Variants in EZH2 observed in about 807,000 individuals in gnomAD.
EZH2 encodes the protein enhancer of zeste 2 polycomb repressive complex 2 subunit.
In EZH2, 18 loss-of-function variants were observed where a neutral mutation model predicts 98.4. The ratio of observed to expected loss-of-function variants is 0.18; its 90% confidence interval spans 0.13 to 0.27. The LOEUF (loss-of-function observed/expected upper bound fraction) is 0.27. Among genes scored for constraint, EZH2 ranks in the 10% least tolerant of loss-of-function variants. The probability of loss-of-function intolerance (pLI) is 1.00; values close to 1 mark genes in which losing one functional copy is unlikely to be tolerated. For missense variants in EZH2, 470 were observed against 935.1 expected (o/e 0.50, Z 6.49); for synonymous variants, 338 against 312.3 (o/e 1.08, Z -0.87).
At chr7:148,863,739 C>T (rs1818041011) in intron 1 of EZH2, among the ~76,000 whole-genome samples, 1 of 152,172 alleles carries the variant, frequency 6.6e-6, no homozygotes, top group South Asian at 2.1e-4. Context: ...ATAGTCCACT[C>T]AACTGACCTG....
chr7:148,883,884 AGCCCCCCACAC>A (rs1346750075), intron 1 of EZH2, among the ~76,000 whole-genome samples: 1 of 150,854 alleles, frequency 6.6e-6, no homozygotes, highest in Non-Finnish European at 1.5e-5. Context: ...CCGGGAAAGG[AGCCCCCCACAC>A]GCCCCCCGCC....
intron 1 of EZH2, among the ~76,000 whole-genome samples, chr7:148,881,972 G>GCGCGCA (rs1491495610): frequency 7.6e-6 from 1 of 131,780 alleles, no homozygotes; most frequent in African/African-American, 2.9e-5. Context: ...ACACGCGCGC[G>GCGCGCA]CACACACACA....
At chr7:148,860,018 C>A (rs1163285914) in intron 1 of EZH2, among the ~76,000 whole-genome samples, 2 of 152,022 alleles carry the variant, frequency 1.3e-5, no homozygotes, top group African/African-American at 2.4e-5. Context: ...TTTAAAAAAA[C>A]TGATTATAAA....
chr7:148,865,125 CAAA>C (rs201434328), intron 1 of EZH2, among the ~76,000 whole-genome samples: 23,045 of 92,180 alleles, frequency 0.25, 1,810 homozygotes, highest in East Asian at 0.38. Context: ...AGACTTGTCT[CAAA>C]AAAAAAAAAA....
intron 1 of EZH2, among the ~76,000 whole-genome samples, chr7:148,848,289 G>A (rs2129485690): frequency 6.6e-6 from 1 of 152,276 alleles, no homozygotes; most frequent in Non-Finnish European, 1.5e-5. Flanking sequence ...AGATGATGCT[G>A]CAGCACAGCA....
chr7:148,871,403 T>TAAAAAAAAAAAAAAAAAAAA (rs71529646), intron 1 of EZH2, among the ~76,000 whole-genome samples: 1 of 88,732 alleles, frequency 1.1e-5, no homozygotes, highest in Non-Finnish European at 2.2e-5. Context: ...GACGAATAAT[T>TAAAAAAAAAAAAAAAAAAAA]AAAAAAAAAA....
chr7:148,836,204 T>G (rs1810888767), intron 3 of EZH2, among the ~76,000 whole-genome samples: 1 of 152,196 alleles, frequency 6.6e-6, no homozygotes, highest in Non-Finnish European at 1.5e-5. Flanking sequence ...CAGACTACAC[T>G]TGATGATTTT....
intron 19 of EZH2, among the ~76,000 whole-genome samples, 187 bp downstream of exon 19, chr7:148,808,884 A>G (rs1186124285): frequency 6.6e-5 from 10 of 152,174 alleles, no homozygotes; most frequent in Admixed American, 5.2e-4. Flanking sequence ...AAAAATAAGC[A>G]TGCCTTGTAT....
rs929618724 is a variant in EZH2 at position 148,807,614 on chromosome 7, G to C, written c.*32C>G. 2 of 1,487,274 alleles carry C rather than the reference G, an allele frequency of 1.3e-6. No homozygotes were observed. Among genetic ancestry groups the C allele is most frequent in the Admixed American group, 2.1e-5 (1 of 46,988 alleles). 92.1% of individuals were successfully genotyped at this position (1,487,274 alleles called of 1,614,324 possible). ...CGAGGTTCCTGAAGCTAAGGCAGCT[G>C]TTTCAGAGGAGGGGGGAGGAGGTAG... On this transcript the variant is annotated 3_prime_UTR_variant, in exon 20 of 20. Transcript: ENST00000320356.
intron 1 of EZH2, among the ~76,000 whole-genome samples, chr7:148,860,022 T>C (rs1390679335): frequency 6.6e-6 from 1 of 152,162 alleles, no homozygotes; most frequent in Non-Finnish European, 1.5e-5. Context: ...AAAAAACTGA[T>C]TATAAAGCTG....
chr7:148,873,556 C>CTTTTTTTTTTTTTTT (rs1819751149), intron 1 of EZH2, among the ~76,000 whole-genome samples: 1 of 103,626 alleles, frequency 9.7e-6, no homozygotes, highest in African/African-American at 3.9e-5. Context: ...TCATGCTCTT[C>CTTTTTTTTTTTTTTT]ATTTTTTTTT....
At chr7:148,831,873 A>C (rs1809504525) in intron 4 of EZH2, among the ~76,000 whole-genome samples, 1 of 152,242 alleles carries the variant, frequency 6.6e-6, no homozygotes, top group Non-Finnish European at 1.5e-5. Flanking sequence ...GTTTCTCTTT[A>C]GCATTTTATT....
chr7:148,833,001 G>A (rs974100992), intron 3 of EZH2, among the ~76,000 whole-genome samples: 1 of 152,076 alleles, frequency 6.6e-6, no homozygotes, highest in Non-Finnish European at 1.5e-5. Context: ...ATATCAGTAA[G>A]AATCAAAAAC....
At chr7:148,813,052 T>C (rs868639042) in intron 15 of EZH2, among the ~76,000 whole-genome samples, 2 of 132,106 alleles carry the variant, frequency 1.5e-5, no homozygotes, top group South Asian at 2.4e-4. Context: ...ACACCCCACA[T>C]ACACACACAC....
At chr7:148,876,860 G>A (rs17171140) in intron 1 of EZH2, among the ~76,000 whole-genome samples, 3,112 of 152,218 alleles carry the variant, frequency 0.02, 94 homozygotes, top group African/African-American at 0.071. Flanking sequence ...AAGTGTTAAC[G>A]TTTCCAGCTC....
intron 13 of EZH2, 109 bp from the exon 14 acceptor site, chr7:148,815,148 C>G (rs1804209485): frequency 7.5e-7 from 1 of 1,334,198 alleles, no homozygotes. Context: ...TGTAGCTGGC[C>G]TGCCTTTACT....
At chr7:148,809,420 T>G in intron 17 of EZH2, 30 bp from the exon 18 acceptor site, 1 of 1,540,534 alleles carries the variant, frequency 6.5e-7, no homozygotes, top group Non-Finnish European at 8.9e-7. Context: ...CACAGCCCAG[T>G]GAATAATTTC....
At chr7:148,877,391 A>G (rs958299748) in intron 1 of EZH2, among the ~76,000 whole-genome samples, 5 of 152,236 alleles carry the variant, frequency 3.3e-5, no homozygotes, top group Non-Finnish European at 7.3e-5. Context: ...TTTTAACTTG[A>G]GAAGTGTTTG....
chr7:148,857,733 AG>A (rs1817045322), intron 1 of EZH2, among the ~76,000 whole-genome samples: 1 of 152,174 alleles, frequency 6.6e-6, no homozygotes. Flanking sequence ...CCTGGGCGAC[AG>A]AGCGAGACTC....
Sources: gnomAD v4.1 joint callset for allele counts (sites outside exome capture counted in the v4.1 genomes callset) on GRCh38, gnomAD v4.1.1 for gene constraint, MANE v1.5 for transcripts, NCBI Gene and HGNC (gene_info 2026-07-23, HGNC 2026-07-21) for gene names.